Variants in CAMK1D observed in about 807,000 individuals in gnomAD.
CAMK1D encodes the protein calcium/calmodulin dependent protein kinase ID, also known as calcium/calmodulin-dependent protein kinase type 1D.
CAMK1D carries 9 observed loss-of-function variants against 47.7 expected under a neutral mutation model. The observed-to-expected ratio is 0.19, with a 90% CI of 0.11 to 0.33. The LOEUF (loss-of-function observed/expected upper bound fraction) is 0.33. Among genes scored for constraint, CAMK1D ranks in the 10% least tolerant of loss-of-function variants. The pLI is 1.00. For missense variants in CAMK1D, 291 were observed against 488.7 expected, an observed-to-expected ratio of 0.60 and a Z score of 3.81; for synonymous variants, 184 against 184.9, an observed-to-expected ratio of 0.99 and a Z score of 0.04.
At chr10:12,360,704 T>A (rs988114312) in intron 1 of CAMK1D, among the ~76,000 whole-genome samples, 16 of 152,090 alleles carry the variant, frequency 1.1e-4, no homozygotes, top group Non-Finnish European at 2.1e-4. Context: ...GGTCGCAAAC[T>A]GGGGAGTTGA....
At chr10:12,787,727 C>A (rs552147630) in intron 5 of CAMK1D, among the ~76,000 whole-genome samples, 2 of 152,194 alleles carry the variant, frequency 1.3e-5, no homozygotes, top group African/African-American at 4.8e-5. Flanking sequence ...AGAGGCCGGG[C>A]GCGGTGGCTC....
intron 1 of CAMK1D, among the ~76,000 whole-genome samples, chr10:12,442,524 T>C (rs1470019978): frequency 1.3e-5 from 2 of 152,162 alleles, no homozygotes; most frequent in East Asian, 1.9e-4. Flanking sequence ...TTAGACGTTA[T>C]ATGGAAATGG....
chr10:12,710,599 G>A (rs1189305585), intron 3 of CAMK1D, among the ~76,000 whole-genome samples: 2 of 152,184 alleles, frequency 1.3e-5, no homozygotes, highest in African/African-American at 2.4e-5. Context: ...CAAGTTGTGG[G>A]ATGGGGGCCA....
At chr10:12,560,327 C>A (rs1004333507) in intron 2 of CAMK1D, among the ~76,000 whole-genome samples, 1 of 151,796 alleles carries the variant, frequency 6.6e-6, no homozygotes, top group Non-Finnish European at 1.5e-5. Context: ...GCGAGGCGGG[C>A]GGATCACCTG....
At chr10:12,788,222 C>T (rs1362515559) in intron 5 of CAMK1D, among the ~76,000 whole-genome samples, 1 of 23,550 alleles carries the variant, frequency 4.2e-5, no homozygotes, top group African/African-American at 4.7e-5. Flanking sequence ...TGGGGCCTCA[C>T]TCTTGTTGCC....
intron 5 of CAMK1D, among the ~76,000 whole-genome samples, chr10:12,775,121 T>C (rs1452112620): frequency 0.065 from 98 of 1,508 alleles, no homozygotes; most frequent in African/African-American, 0.23. Flanking sequence ...GGCTCAGGCA[T>C]TGATCAGGTG....
rs569089576 is a variant in CAMK1D, at chr10:12,804,771, CA to C, written c.642-9407del. On this transcript the variant is annotated intron_variant, in intron 6 of 10. Transcript: ENST00000619168. ...CAACACAGCAAGACCCTGTCTGTAC[CA>C]AAAAAAAAAAAAAAAATTAGCCCAG... Among the ~76,000 whole-genome samples the C allele has an allele frequency of 5.0e-3, 632 of 126,212 alleles. 1 individual carries two copies. The highest frequency in any genetic ancestry group is 7.9e-3 in the African/African-American group (262 of 33,346). The allele number at this position is 126,212 out of a possible 152,430, so 82.8% of individuals were successfully genotyped here.
At chr10:12,764,989 G>T (rs1046985180) in intron 4 of CAMK1D, among the ~76,000 whole-genome samples, 4 of 152,140 alleles carry the variant, frequency 2.6e-5, no homozygotes, top group African/African-American at 9.7e-5. Context: ...CAGCTACTCC[G>T]GAGGCTGAGG....
intron 10 of CAMK1D, among the ~76,000 whole-genome samples, chr10:12,826,542 C>T (rs1477781395): frequency 1.3e-5 from 2 of 152,214 alleles, no homozygotes; most frequent in Non-Finnish European, 2.9e-5. Context: ...CTGCTCCTCT[C>T]TCTGTGGAAA....
At chr10:12,812,000 G>A (rs910596600) in intron 6 of CAMK1D, among the ~76,000 whole-genome samples, 7 of 152,176 alleles carry the variant, frequency 4.6e-5, no homozygotes, top group Non-Finnish European at 7.3e-5. Flanking sequence ...AGTCCCTAAG[G>A]CAACCTTGTG....
chr10:12,594,689 A>T (rs1159551762), intron 2 of CAMK1D, among the ~76,000 whole-genome samples: 1 of 152,230 alleles, frequency 6.6e-6, no homozygotes, highest in Non-Finnish European at 1.5e-5. Context: ...AGTTTAGGTT[A>T]CAGGCAGTTT....
intron 1 of CAMK1D, among the ~76,000 whole-genome samples, chr10:12,423,604 T>C (rs1019631534): frequency 2.6e-5 from 4 of 152,188 alleles, no homozygotes; most frequent in African/African-American, 9.6e-5. Flanking sequence ...TGCCTGTGAA[T>C]ATCCAGAACT....
rs1372949535 is a variant in CAMK1D at position 12,834,062 on chromosome 10, G to A, written c.*5175G>A. The A allele has an allele frequency of 1.3e-5, 2 of 152,130 alleles. No homozygotes were observed. The highest frequency in any genetic ancestry group is 2.1e-4 in the South Asian group (1 of 4,816). 9.4% of individuals were successfully genotyped at this position (152,130 alleles called of 1,614,324 possible). ...TCTTTCGATGTTCAGAATTGAAAAT[G>A]TGGAGATAGAAAAGCTCAAACAGAC... On this transcript the variant is annotated 3_prime_UTR_variant, in exon 11 of 11. Coordinates refer to ENST00000619168, the MANE Select transcript of CAMK1D (RefSeq NM_153498.4).
Position 12,804,302 on chromosome 10 carries a change from G to A in CAMK1D, c.642-9893G>A, listed in dbSNP as rs190508426. 6.5e-4 allele frequency among the ~76,000 whole-genome samples: 99 copies of A among 152,090 alleles called. 1 individual carries two copies. The highest frequency in any genetic ancestry group is 3.4e-3 in the Middle Eastern group (1 of 294). ...ATTTCTTGTTCATCAAAGAATAATC[G>A]ATCGACAAATATTCATTAAATAGTA... On this transcript the variant is annotated intron_variant, in intron 6 of 10. Coordinates refer to ENST00000619168, the MANE Select transcript of CAMK1D (RefSeq NM_153498.4).
chr10:12,359,484 G>C (rs1837600627), intron 1 of CAMK1D, among the ~76,000 whole-genome samples: 1 of 151,404 alleles, frequency 6.6e-6, no homozygotes, highest in Non-Finnish European at 1.5e-5. Flanking sequence ...CTAGTTAGCT[G>C]TGTGTCCCAG....
At position 12,699,929 on chromosome 10, in the gene CAMK1D, C is replaced by T. The variant is rs549731600; in HGVS notation, c.299+33119C>T. ...GCTCTTTTCAAAATGACGTCTTTTC[C>T]TTCTTACTGTCTCAAACTAGATCCT... On this transcript the variant is annotated intron_variant, in intron 3 of 10. Coordinates refer to ENST00000619168, the MANE Select transcript of CAMK1D (RefSeq NM_153498.4). Among the ~76,000 whole-genome samples, 60 of 152,088 alleles carry T rather than the reference C, an allele frequency of 3.9e-4. 1 individual carries two copies. Among genetic ancestry groups the T allele is most frequent in the African/African-American group, 1.4e-3 (60 of 41,498 alleles).
At chr10:12,777,056 A>G (rs1467993448) in intron 5 of CAMK1D, among the ~76,000 whole-genome samples, 11 of 152,200 alleles carry the variant, frequency 7.2e-5, no homozygotes. Flanking sequence ...TCCTTGAGTA[A>G]TGAGGATCAA....
intron 1 of CAMK1D, among the ~76,000 whole-genome samples, chr10:12,389,661 G>C (rs942524670): frequency 6.6e-6 from 1 of 152,156 alleles, no homozygotes; most frequent in Non-Finnish European, 1.5e-5. Context: ...GTTGGCGACC[G>C]TCCAGTTATT....
intron 1 of CAMK1D, among the ~76,000 whole-genome samples, chr10:12,537,679 G>A (rs1410625356): frequency 1.3e-5 from 2 of 152,194 alleles, no homozygotes; most frequent in African/African-American, 4.8e-5. Flanking sequence ...CACAGTGAGT[G>A]CCCCTGGAAT....
Sources: allele counts gnomAD v4.1 joint callset (sites outside exome capture counted in the v4.1 genomes callset), GRCh38; gene constraint gnomAD v4.1.1; transcripts MANE v1.5; gene names NCBI Gene and HGNC (gene_info 2026-07-23, HGNC 2026-07-21).